ZNF679: variants seen among roughly 807,000 people sequenced by gnomAD.
ZNF679 encodes the protein hypothetical protein MGC42415.
In ZNF679, 10 loss-of-function variants were observed where a neutral mutation model predicts 13.4. That is an observed-to-expected ratio of 0.75 (90% CI 0.46 to 1.27). ZNF679 has a LOEUF of 1.27. Ranked by LOEUF, ZNF679 falls within the 50% of genes most tolerant of loss-of-function variation. The probability of loss-of-function intolerance (pLI) is 0.00; values close to 1 mark genes in which losing one functional copy is unlikely to be tolerated. For missense variants in ZNF679, 525 were observed against 477.8 expected, an observed-to-expected ratio of 1.10 and a Z score of -0.92; for synonymous variants, 179 against 162.5, an observed-to-expected ratio of 1.10 and a Z score of -0.77.
chr7:64,229,343 AAC>A (rs1787604986), intron 1 of ZNF679, among the ~76,000 whole-genome samples: 1 of 152,160 alleles, frequency 6.6e-6, no homozygotes, highest in African/African-American at 2.4e-5. Flanking sequence ...TCCCAAGCGT[AAC>A]AGTGAGACAA....
chr7:64,241,855 T>C (rs1011644006), intron 1 of ZNF679, among the ~76,000 whole-genome samples: 2 of 152,212 alleles, frequency 1.3e-5, no homozygotes, highest in South Asian at 4.1e-4. Flanking sequence ...CAATCTTAAC[T>C]GTACACTGGG....
chr7:64,231,314 G>T (rs1787636445), intron 1 of ZNF679, among the ~76,000 whole-genome samples: 1 of 152,156 alleles, frequency 6.6e-6, no homozygotes, highest in Non-Finnish European at 1.5e-5. Context: ...CCAGGCAGAA[G>T]TTCACATCAC....
At chr7:64,229,003 C>T (rs966216559) in intron 1 of ZNF679, among the ~76,000 whole-genome samples, 2 of 152,148 alleles carry the variant, frequency 1.3e-5, no homozygotes. Flanking sequence ...TTGAGATCTT[C>T]ACACAACATG....
intron 1 of ZNF679, among the ~76,000 whole-genome samples, chr7:64,244,051 G>A (rs1406011661): frequency 6.6e-6 from 1 of 152,118 alleles, no homozygotes; most frequent in Non-Finnish European, 1.5e-5. Flanking sequence ...GGAGTTCCAA[G>A]ACAGCCTGAC....
chr7:64,266,178 A>C lies in ZNF679; in HGVS notation c.545A>C (p.Lys182Thr). The C allele has an allele frequency of 1.9e-6, 3 of 1,594,856 alleles. No individual in the cohort carries two copies. The highest frequency in any genetic ancestry group is 1.7e-6 in the Non-Finnish European group (2 of 1,168,966). ...CATAAGACAAGACATACTGGAAAGA[A>C]ACATTTCAAATGTAAAAAATATGGC... Reference protein sequence around the residue: ...NRHKTRHTGKKHFKCKKYGKS... With the variant: ...NRHKTRHTGKTHFKCKKYGKS... The change falls in exon 5 of 5, where the codon AAA becomes ACA. Residue 182 changes from lysine (K) to threonine (T), a missense_variant. By Grantham distance (78) the Lys-to-Thr change is moderately conservative (BLOSUM62 -1). Transcript: ENST00000421025.
At chr7:64,234,707 G>C (rs1787685576) in intron 1 of ZNF679, among the ~76,000 whole-genome samples, 1 of 152,186 alleles carries the variant, frequency 6.6e-6, no homozygotes, top group African/African-American at 2.4e-5. Flanking sequence ...AGGACTACGA[G>C]CTAGCAAATG....
At position 64,266,021 on chromosome 7, in the gene ZNF679, A is replaced by G. The variant is rs1562848979; in HGVS notation, c.388A>G (p.Ser130Gly). Residue 130 changes from serine to glycine, a missense_variant, in exon 5 of 5, where the codon AGC becomes GGC. By Grantham distance (56) the Ser-to-Gly change is moderately conservative (BLOSUM62 0). Coordinates refer to ENST00000421025, the MANE Select transcript of ZNF679 (RefSeq NM_153363.3). ...HDNLQVKTCK[S>G]MGECEVQKGG... The stretch of plus-strand genomic sequence containing the variant: ...CAATTTACAAGTAAAAACATGTAAA[A>G]GCATGGGTGAGTGTGAGGTGCAAAA... 6.2e-7 allele frequency: 1 copy of G among 1,613,470 alleles called. No individual in the cohort carries two copies. Among genetic ancestry groups the G allele is most frequent in the African/African-American group, 1.3e-5 (1 of 74,904 alleles).
intron 2 of ZNF679, 42 bp downstream of exon 2, chr7:64,249,198 G>T: frequency 1.2e-6 from 2 of 1,614,028 alleles, no homozygotes; most frequent in Non-Finnish European, 8.5e-7. Flanking sequence ...GGTGAGGGCT[G>T]GTTGGAACCG....
At chr7:64,260,127 CTAACT>C in intron 2 of ZNF679, 89 bp from the exon 3 acceptor site, 1 of 1,159,584 alleles carries the variant, frequency 8.6e-7, no homozygotes, top group Non-Finnish European at 1.2e-6. Context: ...TTTTTACTCT[CTAACT>C]TGAGTCAAAT....
At chr7:64,232,078 A>C (rs1438243946) in intron 1 of ZNF679, among the ~76,000 whole-genome samples, 4 of 152,112 alleles carry the variant, frequency 2.6e-5, no homozygotes, top group African/African-American at 9.7e-5. Context: ...AGTTTTGTCC[A>C]AGAGCTGAGG....
chr7:64,240,516 G>A (rs1443508120), intron 1 of ZNF679, among the ~76,000 whole-genome samples: 1 of 152,202 alleles, frequency 6.6e-6, no homozygotes, highest in African/African-American at 2.4e-5. Context: ...GTGATACAGT[G>A]TCATAACAGG....
intron 4 of ZNF679, among the ~76,000 whole-genome samples, chr7:64,262,429 A>G (rs953992587): frequency 6.6e-6 from 1 of 152,156 alleles, no homozygotes; most frequent in Non-Finnish European, 1.5e-5. Flanking sequence ...TCTTTCCACT[A>G]TATTTTTTTT....
chr7:64,246,607 C>G (rs904873367), intron 1 of ZNF679, among the ~76,000 whole-genome samples: 1 of 152,030 alleles, frequency 6.6e-6, no homozygotes, highest in Admixed American at 6.6e-5. Context: ...CCTGTAATCC[C>G]GGCTCCTCCA....
At chr7:64,250,270 T>G (rs1787929336) in intron 2 of ZNF679, among the ~76,000 whole-genome samples, 1 of 143,036 alleles carries the variant, frequency 7.0e-6, no homozygotes, top group Admixed American at 7.1e-5. Context: ...CCTTGGTTTT[T>G]TTTTTTTTTT....
intron 1 of ZNF679, among the ~76,000 whole-genome samples, chr7:64,237,707 C>T (rs1451389442): frequency 6.6e-6 from 1 of 152,174 alleles, no homozygotes; most frequent in African/African-American, 2.4e-5. Context: ...ATACAGTCCC[C>T]AGTGCACACA....
At chr7:64,264,809 A>T (rs1788122566) in intron 4 of ZNF679, among the ~76,000 whole-genome samples, 1 of 152,008 alleles carries the variant, frequency 6.6e-6, no homozygotes, top group African/African-American at 2.4e-5. Context: ...GTGACTTTTG[A>T]AACTTTGTTT....
At chr7:64,237,972 T>C (rs982444458) in intron 1 of ZNF679, among the ~76,000 whole-genome samples, 2 of 152,158 alleles carry the variant, frequency 1.3e-5, no homozygotes, top group Non-Finnish European at 2.9e-5. Context: ...AAGAAAACTC[T>C]CTAATGCTTT....
chr7:64,255,425 C>T (rs977069230), intron 2 of ZNF679, among the ~76,000 whole-genome samples: 1 of 152,124 alleles, frequency 6.6e-6, no homozygotes, highest in Non-Finnish European at 1.5e-5. Context: ...TATCCCCAAC[C>T]CCAGACACTG....
intron 1 of ZNF679, among the ~76,000 whole-genome samples, chr7:64,237,206 T>TA (rs1257371608): frequency 6.6e-6 from 1 of 152,110 alleles, no homozygotes; most frequent in Non-Finnish European, 1.5e-5. Context: ...GATCTGGGCA[T>TA]AAAAAGAAAC....
Sources: allele counts gnomAD v4.1 joint callset (sites outside exome capture counted in the v4.1 genomes callset), GRCh38; gene constraint gnomAD v4.1.1; transcripts MANE v1.5; gene names NCBI Gene and HGNC (gene_info 2026-07-23, HGNC 2026-07-21).